SETX: variants seen among roughly 807,000 people sequenced by gnomAD.
The protein encoded by SETX is senataxin.
SETX carries 90 observed loss-of-function variants against 227.2 expected under a neutral mutation model. That is an observed-to-expected ratio of 0.40 (90% CI 0.33 to 0.47). The LOEUF is 0.47. Ranked by LOEUF, SETX falls within the 20% of genes least tolerant of loss-of-function variation. The pLI, the probability that SETX is intolerant of heterozygous loss-of-function variation, is 0.91. For missense variants in SETX, 3,052 were observed against 3,181.5 expected, an observed-to-expected ratio of 0.96 and a Z score of 0.98; for synonymous variants, 1,210 against 1,113.2, an observed-to-expected ratio of 1.09 and a Z score of -1.73.
At chr9:132,277,789 C>CA (rs372125008) in intron 21 of SETX, among the ~76,000 whole-genome samples, 6,432 of 66,382 alleles carry the variant, frequency 0.097, 677 homozygotes, top group East Asian at 0.34. Context: ...ACCCTGTCTT[C>CA]AAAAAAAAAA....
chr9:132,342,900 CT>C lies in SETX; in HGVS notation c.389-102del. 4.4e-6 allele frequency: 4 copies of C among 916,454 alleles called. No individual in the cohort carries two copies. In the South Asian group the frequency reaches 5.6e-5, roughly 13 times the overall value. The allele number at this position is 916,454 out of a possible 1,614,324, so 56.8% of individuals were successfully genotyped here. ...TATTCTGTAAATAAATAAAAATTTG[CT>C]TTTTATTTTTCCAAATTGAGGCATA... On this transcript the variant is annotated intron_variant, in intron 4 of 25. Transcript: ENST00000224140.
chr9:132,303,951 G>A (rs1342049293), intron 11 of SETX, among the ~76,000 whole-genome samples: 1 of 152,104 alleles, frequency 6.6e-6, no homozygotes, highest in African/African-American at 2.4e-5. Context: ...GTGAAACCCT[G>A]TTTCTACTAA....
chr9:132,314,049 C>T (rs1333058693), intron 10 of SETX, among the ~76,000 whole-genome samples: 1 of 152,068 alleles, frequency 6.6e-6, no homozygotes, highest in South Asian at 2.1e-4. Flanking sequence ...CTCCCGCCTC[C>T]GCCTCCCATT....
chr9:132,292,685 A>C (rs533706788), intron 15 of SETX, among the ~76,000 whole-genome samples: 1 of 140,414 alleles, frequency 7.1e-6, no homozygotes, highest in South Asian at 2.2e-4. Context: ...GCTGGAGTGC[A>C]GTGGCGCGAT....
intron 4 of SETX, among the ~76,000 whole-genome samples, chr9:132,345,920 C>T (rs1324161367): frequency 6.6e-6 from 1 of 152,030 alleles, no homozygotes; most frequent in African/African-American, 2.4e-5. Flanking sequence ...CCACAAGGCT[C>T]AGGCAGGAGT....
intron 15 of SETX, among the ~76,000 whole-genome samples, chr9:132,290,246 A>ATT (rs71913934): frequency 8.6e-5 from 13 of 150,746 alleles, no homozygotes; most frequent in African/African-American, 2.9e-4. Context: ...ATTCGTCTTT[A>ATT]TTTTTTTTCC....
At chr9:132,331,591 C>T (rs1377295295) in intron 7 of SETX, 143 bp from the exon 8 acceptor site, 13 of 866,368 alleles carry the variant, frequency 1.5e-5, no homozygotes, top group Non-Finnish European at 2.2e-5. Context: ...GCAGTGCCGC[C>T]ACCAGTCCTC....
At chr9:132,269,541 G>A in intron 25 of SETX, 74 bp downstream of exon 25, 1 of 1,608,666 alleles carries the variant, frequency 6.2e-7, no homozygotes, top group Non-Finnish European at 8.5e-7. Flanking sequence ...TTTACACTTT[G>A]ATGGAAAATA....
intron 5 of SETX, among the ~76,000 whole-genome samples, chr9:132,338,926 TA>T (rs962182106): frequency 2.0e-5 from 3 of 152,114 alleles, no homozygotes; most frequent in Middle Eastern, 3.4e-3. Context: ...CCAAGCTAAT[TA>T]AAAAAAAAAT....
rs200722368 is a variant in SETX, at chr9:132,328,674, G to A, written c.2924C>T (p.Thr975Met). The change falls in exon 10 of 26, where the codon ACG becomes ATG. Residue 975 changes from threonine (T) to methionine (M), a missense_variant. Thr to Met is a moderately conservative substitution (Grantham distance 81, BLOSUM62 -1). Around this residue, in one of 10 missense-constraint regions of SETX, gnomAD observed 1,483 missense variants for 1,312.0 expected, o/e 1.13. Coordinates refer to ENST00000224140, the MANE Select transcript of SETX (RefSeq NM_015046.7). ...GTTCTGAGGTGAATCGGATGGGAAC[G>A]TAATAACACTGGCTTGAGCTAGTAA... is the stretch of plus-strand genomic sequence containing the variant. ...LSLLAQASVITFPSDSPQNSS... is the reference protein window; with the variant it reads ...LSLLAQASVIMFPSDSPQNSS... The A allele has an allele frequency of 2.2e-5, 35 of 1,613,610 alleles. No individual in the cohort carries two copies. The highest frequency in any genetic ancestry group is 1.2e-4 in the Admixed American group (7 of 59,972).
Position 132,329,766 on chromosome 9 carries a change from G to C in SETX, c.1832C>G (p.Ala611Gly), listed in dbSNP as rs1461892529. 3 of 1,614,046 alleles carry C rather than the reference G, an allele frequency of 1.9e-6. No individual in the cohort carries two copies. Among genetic ancestry groups the C allele is most frequent in the African/African-American group, 2.7e-5 (2 of 75,042 alleles). The change falls in exon 10 of 26, where the codon GCA becomes GGA. Residue 611 changes from alanine (A) to glycine (G), a missense_variant. By Grantham distance (60) the Ala-to-Gly change is moderately conservative (BLOSUM62 0). Coordinates refer to ENST00000224140, the MANE Select transcript of SETX (RefSeq NM_015046.7). ...ATAAGATGCAGGAGAGATTTTACAT[G>C]CAGAAGTCAGATCCACAAAAGTGTT... ...PCNTFVDLTS[A>G]CKISPASYNK...
intron 11 of SETX, among the ~76,000 whole-genome samples, chr9:132,311,318 A>G (rs1349261261): frequency 6.6e-6 from 1 of 152,146 alleles, no homozygotes; most frequent in African/African-American, 2.4e-5. Flanking sequence ...GGTTGGGGGT[A>G]AAAAGAGGAC....
chr9:132,335,117 G>GGGCCAGGTA (rs1554823011), intron 6 of SETX, among the ~76,000 whole-genome samples: 6 of 152,018 alleles, frequency 3.9e-5, no homozygotes, highest in South Asian at 2.1e-4. Flanking sequence ...GAGGCCGGGC[G>GGGCCAGGTA]TGGTGGCTCA....
chr9:132,344,984 A>G (rs1848205114), intron 4 of SETX, among the ~76,000 whole-genome samples: 1 of 152,254 alleles, frequency 6.6e-6, no homozygotes, highest in Non-Finnish European at 1.5e-5. Flanking sequence ...CTAGACAGCT[A>G]TAATAAGCCA....
Position 132,263,763 on chromosome 9 carries a change from C to G in SETX, c.*476G>C, listed in dbSNP as rs1035789263. ...CCAAGCTAGGCTGTTAAATAATTAT[C>G]TGTCTTGCTCTAACAATGGTTGAAA... On this transcript the variant is annotated 3_prime_UTR_variant, in exon 26 of 26. Coordinates refer to ENST00000224140, the MANE Select transcript of SETX (RefSeq NM_015046.7). 6.0e-6 allele frequency: 1 copy of G among 165,956 alleles called. No homozygotes were observed. Among genetic ancestry groups the G allele is most frequent in the Non-Finnish European group, 1.3e-5 (1 of 76,308 alleles). 10.3% of individuals were successfully genotyped at this position (165,956 alleles called of 1,614,324 possible).
In SETX at chr9:132,326,564, T is replaced by G. The variant is rs748226805; in HGVS notation, c.5034A>C (p.Glu1678Asp). ...GAGAGGAAGATGGAAAATATTTGCT[T>G]TCACCAAATGGAACTTTGCAACCTT... ...NRQGCKVPFG[E>D]SKYFPSSSPV... The change falls in exon 10 of 26, where the codon GAA (glutamate) becomes GAC (aspartate). Residue 1678 changes from glutamate (E) to aspartate (D), a missense_variant. By Grantham distance (45) the Glu-to-Asp change is conservative. This residue lies in a region of SETX where 1,483 missense variants were observed against 1,312.0 expected (regional missense o/e 1.13). Transcript: ENST00000224140. 6.2e-7 allele frequency: 1 copy of G among 1,614,202 alleles called. No individual in the cohort carries two copies. Among genetic ancestry groups the G allele is most frequent in the Non-Finnish European group, 8.5e-7 (1 of 1,180,040 alleles).
Position 132,331,480 on chromosome 9 carries a change from TAA to T in SETX, c.839-34_839-33del, listed in dbSNP as rs750421216. ...TACAATGGCACAATCGTTGAATTACTAAACAGTTAGAAAAACATACTACAATA... is the reference window on the plus strand; with the variant it reads ...TACAATGGCACAATCGTTGAATTACTACAGTTAGAAAAACATACTACAATA... On this transcript the variant is annotated intron_variant, in intron 7 of 25. Coordinates refer to ENST00000224140, the MANE Select transcript of SETX (RefSeq NM_015046.7). The T allele has an allele frequency of 8.1e-6, 13 of 1,605,714 alleles. No individual in the cohort carries two copies. The East Asian group carries it at 2.7e-4, about 33-fold the overall frequency.
chr9:132,319,393 A>C (rs1846192374), intron 10 of SETX, among the ~76,000 whole-genome samples: 1 of 152,218 alleles, frequency 6.6e-6, no homozygotes, highest in Non-Finnish European at 1.5e-5. Flanking sequence ...TAAATGACCA[A>C]CCAAATAAAA....
rs1846821044 is a variant in SETX, at chr9:132,326,880, G to A, written c.4718C>T (p.Ala1573Val). The change falls in exon 10 of 26, where the codon GCA (alanine) becomes GTA (valine). Residue 1573 changes from alanine to valine, a missense_variant. Coordinates refer to ENST00000224140, the MANE Select transcript of SETX (RefSeq NM_015046.7). ...EYCPKHSEVKAADEDVFRKPG... is the reference protein window; with the variant it reads ...EYCPKHSEVKVADEDVFRKPG... ...TTTACGAAATACATCTTCATCTGCT[G>A]CTTTCACTTCAGAGTGTTTTGGGCA... 6.2e-7 allele frequency: 1 copy of A among 1,614,090 alleles called. No individual in the cohort carries two copies. Among genetic ancestry groups the A allele is most frequent in the South Asian group, 1.1e-5 (1 of 91,086 alleles).
Sources: gnomAD v4.1 joint callset for allele counts (sites outside exome capture counted in the v4.1 genomes callset) on GRCh38, gnomAD v4.1.1 for gene constraint, gnomAD v4.1.1 regional missense constraint, MANE v1.5 for transcripts, NCBI Gene and HGNC (gene_info 2026-07-23, HGNC 2026-07-21) for gene names.